CFAP54: variants seen among roughly 807,000 people sequenced by gnomAD.
CFAP54 encodes cilia and flagella associated protein 54.
Under a neutral mutation model 370.4 loss-of-function variants are expected in CFAP54, and 290 were observed. The observed-to-expected ratio is 0.78, with a 90% confidence interval of 0.71 to 0.86. CFAP54 has a LOEUF of 0.86. Among genes scored for constraint, CFAP54 ranks in the 40% least tolerant of loss-of-function variants. The pLI, the probability that CFAP54 is intolerant of heterozygous loss-of-function variation, is 0.00. For missense variants in CFAP54, 3,399 were observed against 3,528.7 expected (o/e 0.96, Z 0.93); for synonymous variants, 1,206 against 1,236.5 (o/e 0.98, Z 0.52).
At chr12:96,733,085 A>G (rs1024288398) in intron 50 of CFAP54, among the ~76,000 whole-genome samples, 1 of 152,230 alleles carries the variant, frequency 6.6e-6, no homozygotes, top group South Asian at 2.1e-4. Flanking sequence ...TGAAAACCAG[A>G]TAGACATATG....
At chr12:96,604,170 C>T (rs1956275642) in intron 26 of CFAP54, among the ~76,000 whole-genome samples, 1 of 152,066 alleles carries the variant, frequency 6.6e-6, no homozygotes, top group African/African-American at 2.4e-5. Flanking sequence ...GATGTTGATG[C>T]TATTCCTTTC....
Position 96,658,339 on chromosome 12 carries a change from G to A in CFAP54, c.5453G>A (p.Gly1818Glu), listed in dbSNP as rs1439398358. Residue 1818 changes from glycine to glutamate, a missense_variant, in exon 38 of 68, where the codon GGA becomes GAA. Around this residue, in one of 3 missense-constraint regions of CFAP54, gnomAD observed 2,796 missense variants for 2,869.7 expected, o/e 0.97. Coordinates refer to ENST00000524981, the MANE Select transcript of CFAP54 (RefSeq NM_001306084.2). ...QPCARYEAEY[G>E]EKITCRNFIG... ...TGTGCAAGGTATGAGGCTGAATATG[G>A]AGAGAAGGTAAGTTTAAGTTAGTTC... 7 of 1,614,054 alleles carry A rather than the reference G, an allele frequency of 4.3e-6. No individual in the cohort carries two copies. In the South Asian group the frequency reaches 7.7e-5, roughly 18 times the overall value.
chr12:96,765,310 T>C lies in CFAP54; in HGVS notation c.8281+92T>C, dbSNP rs192361463. 1.2e-5 allele frequency: 14 copies of C among 1,199,064 alleles called. No individual in the cohort carries two copies. The African/African-American group carries it at 1.8e-4, about 16-fold the overall frequency. The allele number at this position is 1,199,064 out of a possible 1,614,324, so 74.3% of individuals were successfully genotyped here. Reference sequence around the variant, plus strand: ...GATTTAATTGTAATTTGTTGGCTTTTAGCTTAGATGGGATAATGTTTGGGG... The same window carrying C: ...GATTTAATTGTAATTTGTTGGCTTTCAGCTTAGATGGGATAATGTTTGGGG... On this transcript the variant is annotated intron_variant, in intron 60 of 67. Transcript: ENST00000524981.
intron 20 of CFAP54, among the ~76,000 whole-genome samples, chr12:96,577,278 A>G (rs1028915821): frequency 1.3e-5 from 2 of 152,158 alleles, no homozygotes; most frequent in African/African-American, 2.4e-5. Flanking sequence ...TAAACCATAC[A>G]TCTTTGTGTA....
intron 50 of CFAP54, among the ~76,000 whole-genome samples, chr12:96,721,498 A>G (rs1957753028): frequency 6.6e-6 from 1 of 152,258 alleles, no homozygotes; most frequent in Non-Finnish European, 1.5e-5. Context: ...AGTCAGGTAG[A>G]GTAGTAAAAA....
intron 17 of CFAP54, among the ~76,000 whole-genome samples, chr12:96,556,516 A>G (rs541657907): frequency 1.2e-4 from 18 of 152,294 alleles, no homozygotes; most frequent in African/African-American, 3.8e-4. Flanking sequence ...GTGCATTGAA[A>G]CAACACAAAT....
Position 96,648,020 on chromosome 12 carries a change from A to G in CFAP54, c.4690+3A>G. On this transcript the variant is annotated splice_donor_region_variant and intron_variant, in intron 34 of 67. Transcript: ENST00000524981. ...AAGAAAGGCCAACTTACCATCAGGT[A>G]AAATAAACATGTTAGTTTATTATTA... The G allele has an allele frequency of 1.3e-6, 2 of 1,498,204 alleles. No individual in the cohort carries two copies. Among genetic ancestry groups the G allele is most frequent in the East Asian group, 5.0e-5 (2 of 40,016 alleles). The allele number at this position is 1,498,204 out of a possible 1,614,324, so 92.8% of individuals were successfully genotyped here.
chr12:96,623,801 C>T lies in CFAP54; in HGVS notation c.3806C>T (p.Pro1269Leu), dbSNP rs1266345960. The T allele has an allele frequency of 6.5e-7, 1 of 1,535,104 alleles. No homozygotes were observed. The highest frequency in any genetic ancestry group is 1.7e-4 in the Middle Eastern group (1 of 5,988). ...SSKKSLKTKK[P>L]QQILLPEKIN... ...AAGAAGTCTTTAAAGACTAAGAAGC[C>T]ACAGCAGATACTACTGCCTGAAAAG... is the stretch of plus-strand genomic sequence containing the variant. Residue 1269 changes from proline to leucine, a missense_variant, in exon 28 of 68, where the codon CCA (proline) becomes CTA (leucine). This residue lies in a region of CFAP54 where 2,796 missense variants were observed against 2,869.7 expected (regional missense o/e 0.97). Coordinates refer to ENST00000524981, the MANE Select transcript of CFAP54 (RefSeq NM_001306084.2).
In CFAP54 at chr12:96,746,123, G is replaced by GAA. The variant is rs1453572983; in HGVS notation, c.7684+1977_7684+1978insAA. On this transcript the variant is annotated intron_variant, in intron 55 of 67. Coordinates refer to ENST00000524981, the MANE Select transcript of CFAP54 (RefSeq NM_001306084.2). ...CTCCTAGTTGGCTCTGTCCTTCCTGGGGACCTTGCTTTGGCACTTTTACCC... is the reference window on the plus strand; with the variant it reads ...CTCCTAGTTGGCTCTGTCCTTCCTGGAAGGACCTTGCTTTGGCACTTTTACCC... Among the ~76,000 whole-genome samples, 7 of 152,108 alleles carry GAA rather than the reference G, an allele frequency of 4.6e-5. No homozygotes were observed. In the East Asian group the frequency reaches 1.4e-3, roughly 29 times the overall value.
chr12:96,567,467 G>A (rs1955874710), intron 19 of CFAP54, among the ~76,000 whole-genome samples: 1 of 152,126 alleles, frequency 6.6e-6, no homozygotes, highest in African/African-American at 2.4e-5. Context: ...TTGGATGGTG[G>A]TGTTGGGTGG....
At chr12:96,763,031 T>C (rs939436992) in intron 58 of CFAP54, among the ~76,000 whole-genome samples, 2 of 152,122 alleles carry the variant, frequency 1.3e-5, no homozygotes, top group Non-Finnish European at 2.9e-5. Context: ...AATTAAAGAA[T>C]TGGTCAAAAT....
rs557299126 is a variant in CFAP54 at position 96,520,626 on chromosome 12, C to T, written c.943-1231C>T. ...GGCACCTTCTCTACATTATGTGACA[C>T]CTGGCTTGGTCAGTGGATGGGACCT... On this transcript the variant is annotated intron_variant, in intron 6 of 67. Transcript: ENST00000524981. Among the ~76,000 whole-genome samples, 19 of 152,302 alleles carry T rather than the reference C, an allele frequency of 1.2e-4. No individual in the cohort carries two copies. In the South Asian group the frequency reaches 1.4e-3, roughly 12 times the overall value.
At chr12:96,737,464 TATATA>T (rs951362456) in intron 50 of CFAP54, among the ~76,000 whole-genome samples, 1 of 148,210 alleles carries the variant, frequency 6.7e-6, no homozygotes, top group African/African-American at 2.5e-5. Context: ...ATAGATATAT[TATATA>T]TTATATTTTA....
intron 26 of CFAP54, among the ~76,000 whole-genome samples, chr12:96,605,906 C>A (rs1161225554): frequency 2.0e-5 from 3 of 152,096 alleles, no homozygotes; most frequent in Non-Finnish European, 2.9e-5. Context: ...TGAGACCAAG[C>A]AGGTAAAATA....
chr12:96,817,666 C>T (rs369400941), intron 64 of CFAP54, 109 bp from the exon 65 acceptor site: 90 of 485,360 alleles, frequency 1.9e-4, no homozygotes, highest in African/African-American at 8.2e-4. Flanking sequence ...GTGATCCACC[C>T]GCCTCGGCCT....
intron 67 of CFAP54, among the ~76,000 whole-genome samples, chr12:96,865,716 G>T (rs1959983657): frequency 6.6e-6 from 1 of 152,044 alleles, no homozygotes; most frequent in African/African-American, 2.4e-5. Flanking sequence ...TGGTTGGCAA[G>T]CTTTGTATAG....
intron 32 of CFAP54, among the ~76,000 whole-genome samples, chr12:96,643,134 T>A (rs1158424427): frequency 2.0e-5 from 3 of 152,170 alleles, no homozygotes; most frequent in Non-Finnish European, 4.4e-5. Context: ...ACTTTCAGGA[T>A]ACAGCTATTA....
At chr12:96,581,157 C>A in intron 22 of CFAP54, 52 bp downstream of exon 22, 1 of 1,245,678 alleles carries the variant, frequency 8.0e-7, no homozygotes, top group Non-Finnish European at 1.0e-6. Context: ...TTCCATTAAG[C>A]AGTTATGAAG....
At chr12:96,744,289 G>C in intron 55 of CFAP54, 143 bp downstream of exon 55, 2 of 742,794 alleles carry the variant, frequency 2.7e-6, no homozygotes, top group South Asian at 2.0e-5. Context: ...AATAGTTTTT[G>C]ATCACTTATC....
Sources: allele counts gnomAD v4.1 joint callset (sites outside exome capture counted in the v4.1 genomes callset), GRCh38; gene constraint gnomAD v4.1.1; regional missense constraint gnomAD v4.1.1; transcripts MANE v1.5; gene names NCBI Gene and HGNC (gene_info 2026-07-23, HGNC 2026-07-21).